Variants in TBC1D32 observed in about 807,000 individuals in gnomAD.
TBC1D32 encodes the protein protein broad-minded.
Under a neutral mutation model 170.3 loss-of-function variants are expected in TBC1D32, and 151 were observed. The ratio of observed to expected loss-of-function variants is 0.89; its 90% CI spans 0.78 to 1.01. The LOEUF (loss-of-function observed/expected upper bound fraction) is 1.01. TBC1D32 is among the 50% of genes least tolerant of loss of function. TBC1D32 has a pLI of 0.00. For synonymous variants in TBC1D32, 498 were observed against 488.0 expected, an observed-to-expected ratio of 1.02 and a Z score of -0.27; for missense variants, 1,464 against 1,457.1, an observed-to-expected ratio of 1.00 and a Z score of -0.08.
intron 14 of TBC1D32, among the ~76,000 whole-genome samples, chr6:121,280,649 T>A (rs887654218): frequency 6.6e-6 from 1 of 151,768 alleles, no homozygotes; most frequent in African/African-American, 2.4e-5. Context: ...AGAAAAACCA[T>A]ACAAACACAA....
chr6:121,205,109 AT>A lies in TBC1D32; in HGVS notation c.2535del (p.Leu845PhefsTer12). 2 of 1,534,794 alleles carry A rather than the reference AT, an allele frequency of 1.3e-6. No homozygotes were observed. Among genetic ancestry groups the A allele is most frequent in the South Asian group, 2.4e-5 (2 of 81,952 alleles). On this transcript the variant is annotated frameshift_variant, in exon 22 of 32. Coordinates refer to ENST00000398212, the MANE Select transcript of TBC1D32 (RefSeq NM_152730.6). LOFTEE classifies it high-confidence loss of function. ...ILNSEAKIRSLFNYEQSHIFG... is the reference protein window; with the variant it reads ...ILNSEAKIRSXFNYEQSHIFG... ...AAGATATGTGATTGTTCATAGTTGA[AT>A]AAAGAACGAATCTTAGCTTCAGAAT...
intron 2 of TBC1D32, among the ~76,000 whole-genome samples, 182 bp from the exon 3 acceptor site, chr6:121,317,854 G>A (rs946955953): frequency 6.6e-6 from 1 of 151,920 alleles, no homozygotes; most frequent in Non-Finnish European, 1.5e-5. Flanking sequence ...TCACAAAACA[G>A]CAATAAAAAT....
intron 20 of TBC1D32, among the ~76,000 whole-genome samples, chr6:121,231,919 T>G (rs769748387): frequency 1.3e-5 from 2 of 152,158 alleles, no homozygotes; most frequent in Non-Finnish European, 2.9e-5. Flanking sequence ...GCTTTTTAAT[T>G]TAATTAAGTC....
At chr6:121,316,243 C>T (rs1583720142) in intron 3 of TBC1D32, among the ~76,000 whole-genome samples, 1 of 152,120 alleles carries the variant, frequency 6.6e-6, no homozygotes, top group Admixed American at 6.6e-5. Flanking sequence ...GATCTGAATA[C>T]CTGTACTTCT....
chr6:121,225,189 C>T (rs543851671), intron 20 of TBC1D32, among the ~76,000 whole-genome samples: 1 of 152,148 alleles, frequency 6.6e-6, no homozygotes, highest in Non-Finnish European at 1.5e-5. Context: ...ATAAACTTCT[C>T]TAATCACCGG....
chr6:121,317,193 A>G (rs577512119), intron 3 of TBC1D32, among the ~76,000 whole-genome samples: 1 of 152,250 alleles, frequency 6.6e-6, no homozygotes, highest in East Asian at 1.9e-4. Flanking sequence ...TTAACTGGGA[A>G]TAAGATGTTT....
At chr6:121,234,758 T>A (rs1796133744) in intron 20 of TBC1D32, among the ~76,000 whole-genome samples, 1 of 152,274 alleles carries the variant, frequency 6.6e-6, no homozygotes, top group South Asian at 2.1e-4. Context: ...GCTGATGAGC[T>A]GGTATGATCA....
At chr6:121,099,921 T>A (rs899471827) in intron 30 of TBC1D32, among the ~76,000 whole-genome samples, 2 of 151,924 alleles carry the variant, frequency 1.3e-5, no homozygotes, top group African/African-American at 4.8e-5. Context: ...AGATGGATAG[T>A]CTCTTTTTAA....
At chr6:121,160,742 C>G (rs2128244042) in intron 23 of TBC1D32, among the ~76,000 whole-genome samples, 1 of 152,262 alleles carries the variant, frequency 6.6e-6, no homozygotes, top group Non-Finnish European at 1.5e-5. Context: ...AATACATACC[C>G]TACTTTAGCA....
chr6:121,126,692 A>T (rs1413063644), intron 25 of TBC1D32, among the ~76,000 whole-genome samples: 1 of 152,120 alleles, frequency 6.6e-6, no homozygotes, highest in African/African-American at 2.4e-5. Context: ...AAAAAGGATC[A>T]TCTGTTTTCT....
chr6:121,215,575 A>G (rs1357108077), intron 21 of TBC1D32, among the ~76,000 whole-genome samples: 2 of 152,204 alleles, frequency 1.3e-5, no homozygotes, highest in African/African-American at 4.8e-5. Flanking sequence ...CAGACAACCT[A>G]TAGTATGAGA....
intron 3 of TBC1D32, among the ~76,000 whole-genome samples, chr6:121,316,194 C>A (rs1808917914): frequency 6.6e-6 from 1 of 152,136 alleles, no homozygotes; most frequent in East Asian, 1.9e-4. Flanking sequence ...TGGAATTCGA[C>A]AAGGTCTTAA....
chr6:121,195,062 C>T (rs991911927), intron 22 of TBC1D32, among the ~76,000 whole-genome samples: 15 of 152,182 alleles, frequency 9.9e-5, no homozygotes, highest in African/African-American at 3.6e-4. Context: ...AAGAAAGAGG[C>T]ACAACACCTA....
intron 21 of TBC1D32, among the ~76,000 whole-genome samples, chr6:121,206,338 C>A (rs1792271851): frequency 6.6e-6 from 1 of 151,916 alleles, no homozygotes; most frequent in Non-Finnish European, 1.5e-5. Flanking sequence ...GCTCATTTTC[C>A]TGACCAAGAA....
At chr6:121,288,164 G>GAAATAAATAAATAAATAAAT (rs1804194314) in intron 12 of TBC1D32, among the ~76,000 whole-genome samples, 1 of 152,152 alleles carries the variant, frequency 6.6e-6, no homozygotes, top group Admixed American at 6.6e-5. Context: ...GGGCAGAACT[G>GAAATAAATAAATAAATAAAT]AAGGAAATAA....
At chr6:121,202,851 A>G (rs1791766747) in intron 22 of TBC1D32, among the ~76,000 whole-genome samples, 1 of 151,398 alleles carries the variant, frequency 6.6e-6, no homozygotes, top group Non-Finnish European at 1.5e-5. Context: ...AACTTTAAAC[A>G]GAATGTGATG....
At chr6:121,292,214 G>C in intron 11 of TBC1D32, 21 bp from the exon 12 acceptor site, 1 of 1,566,862 alleles carries the variant, frequency 6.4e-7, no homozygotes, top group Non-Finnish European at 8.7e-7. Context: ...AAGCAAACAC[G>C]AATATTTATT....
chr6:121,294,457 T>C (rs1440302254), intron 11 of TBC1D32, 113 bp downstream of exon 11: 2 of 676,056 alleles, frequency 3.0e-6, no homozygotes, highest in Non-Finnish European at 5.0e-6. Context: ...TTAGTAAAAG[T>C]GACCTAATTT....
intron 12 of TBC1D32, among the ~76,000 whole-genome samples, chr6:121,289,526 A>C (rs1208452338): frequency 6.6e-6 from 1 of 152,238 alleles, no homozygotes; most frequent in African/African-American, 2.4e-5. Context: ...AGAACATTCC[A>C]TGCTCATGGG....
Sources: allele counts gnomAD v4.1 joint callset (sites outside exome capture counted in the v4.1 genomes callset), GRCh38; gene constraint gnomAD v4.1.1; transcripts MANE v1.5; gene names NCBI Gene and HGNC (gene_info 2026-07-23, HGNC 2026-07-21).